The following NARS2 variants were observed in gnomAD, a reference collection of about 807,000 sequenced individuals.
NARS2 encodes the protein asparaginyl-tRNA synthetase.
NARS2 carries 60 observed loss-of-function variants against 62.9 expected under a neutral mutation model. The ratio of observed to expected loss-of-function variants is 0.95; its 90% CI spans 0.77 to 1.18. The LOEUF is 1.18. Among genes scored for constraint, NARS2 ranks in the 50% most tolerant of loss-of-function variants. The pLI is 0.00. For missense variants in NARS2, 619 were observed against 576.4 expected (o/e 1.07, Z -0.76); for synonymous variants, 196 against 200.0 (o/e 0.98, Z 0.17).
intron 5 of NARS2, among the ~76,000 whole-genome samples, chr11:78,530,462 C>T (rs1861436255): frequency 6.6e-6 from 1 of 151,960 alleles, no homozygotes; most frequent in Non-Finnish European, 1.5e-5. Context: ...AAAGTCTGGT[C>T]TTAATAATAA....
chr11:78,502,860 G>A (rs1860332883), intron 6 of NARS2, among the ~76,000 whole-genome samples: 2 of 151,900 alleles, frequency 1.3e-5, no homozygotes, highest in Admixed American at 6.5e-5. Flanking sequence ...CAGGCGTGGT[G>A]GCATGCCACT....
rs111355682 is a variant in NARS2 at position 78,521,038 on chromosome 11, G to A, written c.689+7804C>T. ...AGTGCCACTGCACTCCAGCCTGGGC[G>A]ACAGAGCAAGACTCTGTCTCCAAAA... On this transcript the variant is annotated intron_variant, in intron 6 of 13. Transcript: ENST00000281038. Among the ~76,000 whole-genome samples the A allele has an allele frequency of 5.2e-3, 731 of 141,310 alleles. 7 individuals carry two copies. Among genetic ancestry groups the A allele is most frequent in the African/African-American group, 0.019 (702 of 37,196 alleles). 92.7% of individuals were successfully genotyped at this position (141,310 alleles called of 152,430 possible). A position where few individuals can be genotyped will look rare whatever the true frequency, so the allele number is the denominator to read the frequency against.
chr11:78,526,967 G>A (rs1013425120), intron 6 of NARS2, among the ~76,000 whole-genome samples: 1 of 152,072 alleles, frequency 6.6e-6, no homozygotes, highest in Non-Finnish European at 1.5e-5. Flanking sequence ...CCCATTCGAC[G>A]ATTACTTAAT....
rs4547122 is a variant in NARS2 at position 78,493,515 on chromosome 11, A to G, written c.690-320T>C. The stretch of plus-strand genomic sequence containing the variant: ...CTACAAAAAATCCTTTAAAATAGCT[A>G]GGTGTGATGGCCTGTGCCTATAGGT... On this transcript the variant is annotated intron_variant, in intron 6 of 13. Transcript: ENST00000281038. Among the ~76,000 whole-genome samples, 152,258 of 152,264 alleles carry G rather than the reference A, an allele frequency of 1. 76,126 individuals carry two copies. The highest frequency in any genetic ancestry group is 1 in the Non-Finnish European group (68,032 of 68,032).
Position 78,469,306 on chromosome 11 carries a change from A to T in NARS2, c.967T>A (p.Tyr323Asn). Residue 323 changes from tyrosine to asparagine, a missense_variant, in exon 10 of 14, where the codon TAT (tyrosine) becomes AAT (asparagine). Transcript: ENST00000281038. ...TTTAAGATCTCCACTGCTTCAGTAT[A>T]AGAAATGCTGGAGGAAAACAGGATA... ...MLKNNFLIIS[Y>N]TEAVEILKQA... 6.2e-7 allele frequency: 1 copy of T among 1,612,976 alleles called. No homozygotes were observed. Among genetic ancestry groups the T allele is most frequent in the Non-Finnish European group, 8.5e-7 (1 of 1,179,050 alleles).
At chr11:78,552,962 G>A (rs921157666) in intron 5 of NARS2, among the ~76,000 whole-genome samples, 8 of 152,058 alleles carry the variant, frequency 5.3e-5, no homozygotes, top group African/African-American at 1.2e-4. Flanking sequence ...ATATTCCTCC[G>A]GGTATATACC....
chr11:78,457,690 G>A (rs778818740), intron 11 of NARS2, among the ~76,000 whole-genome samples: 9 of 152,108 alleles, frequency 5.9e-5, no homozygotes, highest in Non-Finnish European at 8.8e-5. Flanking sequence ...CATTACTAGA[G>A]AGACTGTGTC....
intron 5 of NARS2, among the ~76,000 whole-genome samples, chr11:78,550,698 T>G (rs566145543): frequency 6.6e-6 from 1 of 152,176 alleles, no homozygotes; most frequent in African/African-American, 2.4e-5. Context: ...TTTAAAAATG[T>G]TGAACTTAAG....
chr11:78,522,522 T>C (rs188047784), intron 6 of NARS2, among the ~76,000 whole-genome samples: 6 of 152,314 alleles, frequency 3.9e-5, no homozygotes, highest in Non-Finnish European at 8.8e-5. Flanking sequence ...TCCTTCATCA[T>C]TTATGATATT....
intron 5 of NARS2, among the ~76,000 whole-genome samples, chr11:78,541,440 A>G (rs914990891): frequency 3.3e-5 from 5 of 151,932 alleles, no homozygotes; most frequent in Admixed American, 2.6e-4. Flanking sequence ...GACTACAGGC[A>G]TATACCACTG....
chr11:78,489,272 TG>T (rs1859714391), intron 7 of NARS2, among the ~76,000 whole-genome samples: 1 of 151,822 alleles, frequency 6.6e-6, no homozygotes, highest in African/African-American at 2.4e-5. Context: ...ATATGGAAAA[TG>T]GGCAATAAAA....
intron 5 of NARS2, chr11:78,546,669 T>C (rs1415315050): frequency 1.3e-5 from 2 of 152,226 alleles, no homozygotes; most frequent in Non-Finnish European, 2.9e-5. Flanking sequence ...TAATTCACTA[T>C]ATCCCCTTGC....
At chr11:78,484,769 C>T (rs1859501997) in intron 7 of NARS2, among the ~76,000 whole-genome samples, 1 of 152,192 alleles carries the variant, frequency 6.6e-6, no homozygotes, top group East Asian at 1.9e-4. Context: ...AACAGGAATG[C>T]TTTTACACTG....
At chr11:78,464,419 A>G (rs1858528468) in intron 11 of NARS2, among the ~76,000 whole-genome samples, 1 of 152,164 alleles carries the variant, frequency 6.6e-6, no homozygotes, top group Admixed American at 6.5e-5. Flanking sequence ...CCCCACCCAC[A>G]TCCTGCTGAT....
At chr11:78,447,435 G>C (rs1857802087) in intron 11 of NARS2, among the ~76,000 whole-genome samples, 1 of 152,096 alleles carries the variant, frequency 6.6e-6, no homozygotes, top group African/African-American at 2.4e-5. Flanking sequence ...ATGAGAAATG[G>C]TATGGAAGTT....
chr11:78,505,269 TACACACACAC>T (rs10533814), intron 6 of NARS2, among the ~76,000 whole-genome samples: 16,657 of 133,184 alleles, frequency 0.13, 1,107 homozygotes, highest in Non-Finnish European at 0.14. Flanking sequence ...GAAAACAAAA[TACACACACAC>T]ACACACACAC....
intron 1 of NARS2, 175 bp from the exon 2 acceptor site, chr11:78,571,619 A>ATC: frequency 1.9e-6 from 1 of 523,762 alleles, no homozygotes. Context: ...TCACAATAGG[A>ATC]TACACACTTT....
In NARS2 at chr11:78,494,026, T is replaced by C. The variant is rs760347144; in HGVS notation, c.690-831A>G. Among the ~76,000 whole-genome samples the C allele has an allele frequency of 8.5e-5, 13 of 152,350 alleles. No individual in the cohort carries two copies. In the East Asian group the frequency reaches 2.3e-3, roughly 27 times the overall value. On this transcript the variant is annotated intron_variant, in intron 6 of 13. Coordinates refer to ENST00000281038, the MANE Select transcript of NARS2 (RefSeq NM_024678.6). ...CCTTGTTCAAAGCCCACTCAAGTCC[T>C]TGACGACCACCTGTCTTTCAATCAA...
intron 9 of NARS2, among the ~76,000 whole-genome samples, chr11:78,472,101 C>G (rs888497436): frequency 1.3e-5 from 2 of 152,160 alleles, no homozygotes; most frequent in Admixed American, 1.3e-4. Context: ...TATTCCACGT[C>G]TTCCACTCCA....
Sources: gnomAD v4.1 joint callset for allele counts (sites outside exome capture counted in the v4.1 genomes callset) on GRCh38, gnomAD v4.1.1 for gene constraint, MANE v1.5 for transcripts, NCBI Gene and HGNC (gene_info 2026-07-23, HGNC 2026-07-21) for gene names.